COL8A1: variants seen among roughly 807,000 people sequenced by gnomAD.
COL8A1 encodes the protein collagen type VIII alpha 1 chain.
Under a neutral mutation model 42.7 loss-of-function variants are expected in COL8A1, and 21 were observed. That is an observed-to-expected ratio of 0.49 (90% CI 0.35 to 0.71). The LOEUF (loss-of-function observed/expected upper bound fraction) is 0.71, where lower values mean the gene tolerates loss of function less well. Ranked by LOEUF, COL8A1 falls within the 30% of genes least tolerant of loss-of-function variation. The probability of loss-of-function intolerance (pLI) is 0.01; values close to 1 mark genes in which losing one functional copy is unlikely to be tolerated. For missense variants in COL8A1, 788 were observed against 962.4 expected (o/e 0.82, Z 2.40); for synonymous variants, 367 against 369.1 (o/e 0.99, Z 0.06).
chr3:99,661,754 T>C (rs1938212665), intron 1 of COL8A1, among the ~76,000 whole-genome samples: 1 of 152,134 alleles, frequency 6.6e-6, no homozygotes, highest in African/African-American at 2.4e-5. Context: ...ATAAACAAAA[T>C]GTGGCATATA....
intron 2 of COL8A1, among the ~76,000 whole-genome samples, chr3:99,765,872 T>G (rs1941455056): frequency 6.6e-6 from 1 of 152,210 alleles, no homozygotes; most frequent in African/African-American, 2.4e-5. Context: ...TACATTCCAA[T>G]TTCAGAAAAG....
chr3:99,679,524 C>A (rs1938802448), intron 1 of COL8A1: 1 of 152,156 alleles, frequency 6.6e-6, no homozygotes. Flanking sequence ...CAATAGTGGC[C>A]TATTGAAATC....
At chr3:99,639,081 G>C (rs1358184518) in intron 1 of COL8A1, among the ~76,000 whole-genome samples, 2 of 152,140 alleles carry the variant, frequency 1.3e-5, no homozygotes, top group Non-Finnish European at 2.9e-5. Flanking sequence ...ACAGTCAAAA[G>C]GTCTGCTAAC....
At chr3:99,764,115 G>T (rs1057439005) in intron 2 of COL8A1, among the ~76,000 whole-genome samples, 1 of 152,138 alleles carries the variant, frequency 6.6e-6, no homozygotes, top group Non-Finnish European at 1.5e-5. Flanking sequence ...CCAGAGGCCT[G>T]GAAAACCATA....
In COL8A1 at chr3:99,700,322, G is replaced by A. The variant is rs115749462; in HGVS notation, c.-128-44575G>A. ...TTAGAAGAAAAAAAAAAAAGAACTC[G>A]CGTGAAATGGTGTGCTCCGGGTTTC... is the stretch of plus-strand genomic sequence containing the variant. On this transcript the variant is annotated intron_variant, in intron 1 of 3. Coordinates refer to ENST00000652472, the MANE Select transcript of COL8A1 (RefSeq NM_020351.4). Among the ~76,000 whole-genome samples the A allele has an allele frequency of 5.8e-3, 876 of 150,664 alleles. 6 individuals are homozygous for A. Among genetic ancestry groups the A allele is most frequent in the African/African-American group, 0.016 (648 of 41,124 alleles).
chr3:99,707,517 C>G (rs1260560097), intron 1 of COL8A1, among the ~76,000 whole-genome samples: 4 of 152,168 alleles, frequency 2.6e-5, no homozygotes, highest in Admixed American at 6.5e-5. Context: ...TGCAGGTGTT[C>G]AACTCTCCCT....
chr3:99,687,063 T>G (rs1939076064), intron 1 of COL8A1, among the ~76,000 whole-genome samples: 1 of 151,954 alleles, frequency 6.6e-6, no homozygotes, highest in Non-Finnish European at 1.5e-5. Context: ...AGGCTGGTCT[T>G]GAACTCCTGC....
At chr3:99,726,407 T>G (rs1218146527) in intron 1 of COL8A1, among the ~76,000 whole-genome samples, 1 of 151,518 alleles carries the variant, frequency 6.6e-6, no homozygotes, top group Non-Finnish European at 1.5e-5. Context: ...CAGAAGCTCT[T>G]TAGTTTAATT....
intron 1 of COL8A1, among the ~76,000 whole-genome samples, chr3:99,724,145 C>A (rs551127417): frequency 1.2e-4 from 19 of 152,086 alleles, no homozygotes; most frequent in African/African-American, 4.3e-4. Flanking sequence ...ACTGGATGCT[C>A]AAAAAATAAT....
At chr3:99,705,018 G>A (rs1001191891) in intron 1 of COL8A1, among the ~76,000 whole-genome samples, 2 of 152,144 alleles carry the variant, frequency 1.3e-5, no homozygotes, top group Non-Finnish European at 2.9e-5. Flanking sequence ...CAGAAGAGGA[G>A]CCCAGCAAGA....
chr3:99,729,789 G>A (rs1270290280), intron 1 of COL8A1, among the ~76,000 whole-genome samples: 1 of 152,016 alleles, frequency 6.6e-6, no homozygotes, highest in African/African-American at 2.4e-5. Flanking sequence ...CTCCAAGCAT[G>A]ATAAGAAGCA....
Position 99,725,244 on chromosome 3 carries a change from C to T in COL8A1, c.-128-19653C>T, listed in dbSNP as rs181979753. Among the ~76,000 whole-genome samples, 540 of 152,086 alleles carry T rather than the reference C, an allele frequency of 3.6e-3. 5 individuals are homozygous for T. Among genetic ancestry groups the T allele is most frequent in the African/African-American group, 0.012 (509 of 41,526 alleles). On this transcript the variant is annotated intron_variant, in intron 1 of 3. Coordinates refer to ENST00000652472, the MANE Select transcript of COL8A1 (RefSeq NM_020351.4). ...GGATTCTCACCGAACTCTCCCTGGA[C>T]AGCAGGACATTGCTGAGTTCACCCA...
intron 1 of COL8A1, among the ~76,000 whole-genome samples, chr3:99,649,187 T>C (rs186211741): frequency 6.6e-6 from 1 of 152,216 alleles, no homozygotes; most frequent in East Asian, 1.9e-4. Context: ...AGCTGCCTCG[T>C]GGATCTCCTT....
rs1576442262 is a variant in COL8A1 at position 99,710,437 on chromosome 3, G to T, written c.-128-34460G>T. On this transcript the variant is annotated intron_variant, in intron 1 of 3. Coordinates refer to ENST00000652472, the MANE Select transcript of COL8A1 (RefSeq NM_020351.4). ...ATAATAAAGTTATGTATATTTTAAGGAATGTCAGTTATGTCCAAATAAAAG... is the reference window on the plus strand; with the variant it reads ...ATAATAAAGTTATGTATATTTTAAGTAATGTCAGTTATGTCCAAATAAAAG... Among the ~76,000 whole-genome samples the T allele has an allele frequency of 2.6e-5, 4 of 152,280 alleles. No homozygotes were observed. In the East Asian group the frequency reaches 7.7e-4, roughly 29 times the overall value.
intron 1 of COL8A1, chr3:99,703,298 A>G (rs1939592548): frequency 6.6e-6 from 1 of 152,212 alleles, no homozygotes; most frequent in Non-Finnish European, 1.5e-5. Context: ...GCTGTTTCCC[A>G]TTTTACAGAT....
intron 1 of COL8A1, among the ~76,000 whole-genome samples, chr3:99,654,157 C>G (rs562687520): frequency 6.6e-6 from 1 of 152,118 alleles, no homozygotes; most frequent in Non-Finnish European, 1.5e-5. Flanking sequence ...AAATGAAGAC[C>G]GGCAGACTCA....
intron 2 of COL8A1, among the ~76,000 whole-genome samples, chr3:99,781,450 G>C (rs1296769750): frequency 1.3e-5 from 2 of 152,088 alleles, no homozygotes; most frequent in Non-Finnish European, 2.9e-5. Flanking sequence ...AAGTCATTCA[G>C]GGTTATATGA....
chr3:99,740,220 T>C (rs1164705599), intron 1 of COL8A1, among the ~76,000 whole-genome samples: 1 of 152,210 alleles, frequency 6.6e-6, no homozygotes, highest in Non-Finnish European at 1.5e-5. Flanking sequence ...TCCCACATTT[T>C]CCTGTCTTTC....
intron 2 of COL8A1, among the ~76,000 whole-genome samples, chr3:99,755,152 A>C (rs1257674121): frequency 1.3e-5 from 2 of 152,218 alleles, no homozygotes; most frequent in East Asian, 3.8e-4. Flanking sequence ...CAGAAGTGTA[A>C]AGAAAAACAA....
Sources: allele counts gnomAD v4.1 joint callset (sites outside exome capture counted in the v4.1 genomes callset), GRCh38; gene constraint gnomAD v4.1.1; transcripts MANE v1.5; gene names NCBI Gene and HGNC (gene_info 2026-07-23, HGNC 2026-07-21).